GATAD1: variants seen among roughly 807,000 people sequenced by gnomAD.
GATAD1 encodes GATA zinc finger domain-containing protein 1.
GATAD1 carries 12 observed loss-of-function variants against 26.5 expected under a neutral mutation model. That is an observed-to-expected ratio of 0.45 (90% CI 0.29 to 0.73). The LOEUF (loss-of-function observed/expected upper bound fraction) is 0.73, where lower values mean the gene tolerates loss of function less well. GATAD1 is among the 30% of genes least tolerant of loss of function. GATAD1 has a pLI of 0.10. For missense variants in GATAD1, 266 were observed against 342.1 expected, an observed-to-expected ratio of 0.78 and a Z score of 1.75; for synonymous variants, 129 against 133.1, an observed-to-expected ratio of 0.97 and a Z score of 0.21.
At chr7:92,480,652 A>G in the GATAD1 span, among the ~76,000 whole-genome samples, 1 of 152,280 alleles carries the variant, frequency 6.6e-6, no homozygotes, top group East Asian at 1.9e-4. Context: ...GAAGAGATTG[A>G]TAGGCGGAAG....
At chr7:92,450,564 TATCTTTTTATTGCAGTTCTTGTC>T in intron 2 of GATAD1, 114 bp from the exon 3 acceptor site, 2 of 564,406 alleles carry the variant, frequency 3.5e-6, no homozygotes, top group Non-Finnish European at 6.3e-6. Flanking sequence ...GAAAATCATT[TATCTTTTTATTGCAGTTCTTGTC>T]ACCAAACAAT....
rs1376330760 is a variant in GATAD1, at chr7:92,456,934, G to A, written c.*372G>A. On this transcript the variant is annotated 3_prime_UTR_variant, in exon 5 of 5. Coordinates refer to ENST00000287957, the MANE Select transcript of GATAD1 (RefSeq NM_021167.5). ...GGCGGATCACCTGAGGTCGGGAAGT[G>A]GATCGCCTGAGGTCAGGAGTTCGAG... The A allele has an allele frequency of 1.2e-5, 2 of 162,694 alleles. No homozygotes were observed. The highest frequency in any genetic ancestry group is 2.4e-5 in the African/African-American group (1 of 41,854). The allele number at this position is 162,694 out of a possible 1,614,324, so 10.1% of individuals were successfully genotyped here.
At chr7:92,455,764 C>A (rs886689838) in intron 4 of GATAD1, among the ~76,000 whole-genome samples, 2 of 152,332 alleles carry the variant, frequency 1.3e-5, no homozygotes, top group African/African-American at 4.8e-5. Context: ...CCAAACAATT[C>A]TAGCCTTCTG....
chr7:92,488,020 T>C, the GATAD1 span, among the ~76,000 whole-genome samples: 1 of 152,354 alleles, frequency 6.6e-6, no homozygotes, highest in South Asian at 2.1e-4. Flanking sequence ...TGTGCATATA[T>C]TCAGCTGCAA....
Position 92,450,715 on chromosome 7 carries a change from T to G in GATAD1, c.390T>G (p.Pro130=). The G allele has an allele frequency of 6.2e-7, 1 of 1,608,608 alleles. No individual in the cohort carries two copies. The highest frequency in any genetic ancestry group is 8.5e-7 in the Non-Finnish European group (1 of 1,174,930). ...TATTTTCATAGCCCATCAAAGCTCC[T>G]GAGTCAGTTTCCACTATAATCACTG... ...IFKLKNPIKA[P]ESVSTIITAE... The change falls in exon 3 of 5, where the codon CCT becomes CCG. Residue 130 remains proline (P), a synonymous_variant. Transcript: ENST00000287957.
the GATAD1 span, chr7:92,470,072 C>T: frequency 1.3e-6 from 1 of 778,694 alleles, no homozygotes; most frequent in African/African-American, 1.7e-5. Context: ...GTCCAACAGA[C>T]AGTGACTCCA....
chr7:92,456,321 T>G, intron 4 of GATAD1, 51 bp from the exon 5 acceptor site: 1 of 1,222,408 alleles, frequency 8.2e-7, no homozygotes, highest in Admixed American at 2.1e-5. Flanking sequence ...CTTATGAAAA[T>G]GATATATATG....
the GATAD1 span, among the ~76,000 whole-genome samples, chr7:92,474,103 C>T: frequency 6.6e-6 from 1 of 152,090 alleles, no homozygotes; most frequent in Non-Finnish European, 1.5e-5. Context: ...TTTCCAGAGC[C>T]TCCAAAGTCC....
chr7:92,469,980 G>C, the GATAD1 span: 1 of 776,880 alleles, frequency 1.3e-6, no homozygotes, highest in Non-Finnish European at 2.4e-6. Context: ...GGGTGAGTTG[G>C]GAGATTACTT....
At chr7:92,491,978 A>G in the GATAD1 span, among the ~76,000 whole-genome samples, 3 of 152,210 alleles carry the variant, frequency 2.0e-5, no homozygotes, top group Non-Finnish European at 4.4e-5. Context: ...TAGACATTCC[A>G]AACAAATGTG....
the GATAD1 span, among the ~76,000 whole-genome samples, chr7:92,483,375 C>A: frequency 1.5e-4 from 23 of 152,326 alleles, no homozygotes; most frequent in East Asian, 4.2e-3. Flanking sequence ...GGAATTGCAA[C>A]TCAAATACGT....
At chr7:92,494,882 A>G in the GATAD1 span, among the ~76,000 whole-genome samples, 1 of 151,722 alleles carries the variant, frequency 6.6e-6, no homozygotes, top group Admixed American at 6.6e-5. Context: ...AGGCATATGA[A>G]ATTACCCTTG....
At chr7:92,487,210 C>A in the GATAD1 span, 1 of 264,938 alleles carries the variant, frequency 3.8e-6, no homozygotes, top group Non-Finnish European at 7.0e-6. Flanking sequence ...AATATTATTT[C>A]ATTAAAGACT....
chr7:92,484,103 TGTA>T, the GATAD1 span, among the ~76,000 whole-genome samples: 5 of 152,218 alleles, frequency 3.3e-5, no homozygotes, highest in Non-Finnish European at 5.9e-5. Context: ...ATCTAGATCT[TGTA>T]GGATGGAGAA....
At chr7:92,488,802 C>T in the GATAD1 span, among the ~76,000 whole-genome samples, 3 of 150,520 alleles carry the variant, frequency 2.0e-5, no homozygotes, top group Non-Finnish European at 4.4e-5. Flanking sequence ...GGTGCAATCT[C>T]GGCTCACTGC....
chr7:92,468,984 G>C, the GATAD1 span: 1 of 761,200 alleles, frequency 1.3e-6, no homozygotes, highest in Non-Finnish European at 2.4e-6. Context: ...TAAAGATACA[G>C]GGTCCAAAGA....
chr7:92,480,438 G>T, the GATAD1 span, among the ~76,000 whole-genome samples: 4 of 152,194 alleles, frequency 2.6e-5, no homozygotes, highest in Admixed American at 6.5e-5. Flanking sequence ...TCCCTGAGGG[G>T]TAGTAGAATA....
At position 92,456,237 on chromosome 7, in the gene GATAD1, G is replaced by C; in HGVS notation, c.620-135G>C. The C allele has an allele frequency of 5.5e-6, 3 of 543,070 alleles. No homozygotes were observed. In the South Asian group the frequency reaches 8.4e-5, roughly 15 times the overall value. The allele number at this position is 543,070 out of a possible 1,614,324, so 33.6% of individuals were successfully genotyped here. ...AAAAATGATTAAGAATAATTTCAAA[G>C]TAATGCATGTTTCAAGGGCTAATGC... is the stretch of plus-strand genomic sequence containing the variant. On this transcript the variant is annotated intron_variant, in intron 4 of 4. Coordinates refer to ENST00000287957, the MANE Select transcript of GATAD1 (RefSeq NM_021167.5).
chr7:92,470,660 G>A, the GATAD1 span: 1 of 309,550 alleles, frequency 3.2e-6, no homozygotes, highest in African/African-American at 2.2e-5. Flanking sequence ...ATGTCACAAG[G>A]GTGGAATAGT....
Sources: allele counts gnomAD v4.1 joint callset (sites outside exome capture counted in the v4.1 genomes callset), GRCh38; gene constraint gnomAD v4.1.1; transcripts MANE v1.5; gene names NCBI Gene and HGNC (gene_info 2026-07-23, HGNC 2026-07-21).